AIM2: variants seen among roughly 807,000 people sequenced by gnomAD.
The protein encoded by AIM2 is absent in melanoma 2, also known as interferon-inducible protein AIM2.
AIM2 carries 30 observed loss-of-function variants against 27.7 expected under a neutral mutation model. The ratio of observed to expected loss-of-function variants is 1.08; its 90% CI spans 0.81 to 1.47. The LOEUF (loss-of-function observed/expected upper bound fraction) is 1.47, where lower values mean the gene tolerates loss of function less well. AIM2 is among the 40% of genes most tolerant of loss of function. The pLI is 0.00. For missense variants in AIM2, 358 were observed against 411.3 expected, an observed-to-expected ratio of 0.87 and a Z score of 1.12; for synonymous variants, 141 against 145.3, an observed-to-expected ratio of 0.97 and a Z score of 0.21.
At chr1:159,130,874 G>A (rs1647853398) in intron 1 of AIM2, among the ~76,000 whole-genome samples, 1 of 150,336 alleles carries the variant, frequency 6.7e-6, no homozygotes, top group South Asian at 2.1e-4. Context: ...TCATTGGCTG[G>A]TATTTTCTCT....
chr1:159,145,966 C>T (rs551322582), intron 1 of AIM2, among the ~76,000 whole-genome samples: 2 of 152,058 alleles, frequency 1.3e-5, no homozygotes, highest in South Asian at 2.1e-4. Flanking sequence ...AGTAGCTGGG[C>T]ATGGTGGTGC....
chr1:159,079,256 T>A (rs1023352577), upstream of AIM2, among the ~76,000 whole-genome samples: 1 of 152,120 alleles, frequency 6.6e-6, no homozygotes, highest in Non-Finnish European at 1.5e-5. Context: ...AGAGATTTTA[T>A]AAATATATTT....
chr1:159,075,302 T>A (rs886186319), intron 1 of AIM2, among the ~76,000 whole-genome samples: 12 of 152,076 alleles, frequency 7.9e-5, no homozygotes, highest in Non-Finnish European at 1.8e-4. Flanking sequence ...TTGGATTAAT[T>A]ATCTAAATAG....
downstream of AIM2, among the ~76,000 whole-genome samples, chr1:159,058,011 T>G (rs570305512): frequency 3.7e-4 from 57 of 152,324 alleles, no homozygotes; most frequent in African/African-American, 1.3e-3. Context: ...AGTGATTCTC[T>G]TCTCTTAAGG....
At chr1:159,112,616 G>T (rs1038610447) in intron 1 of AIM2, among the ~76,000 whole-genome samples, 14 of 152,078 alleles carry the variant, frequency 9.2e-5, no homozygotes, top group African/African-American at 3.4e-4. Flanking sequence ...TACTCAACAG[G>T]TCTATAAAAG....
At chr1:159,085,995 G>T (rs1056963378) in intron 1 of AIM2, among the ~76,000 whole-genome samples, 3 of 152,112 alleles carry the variant, frequency 2.0e-5, no homozygotes, top group Non-Finnish European at 4.4e-5. Flanking sequence ...AAAACATCAC[G>T]TTGTATACTG....
chr1:159,090,327 T>C (rs561069174), intron 1 of AIM2, among the ~76,000 whole-genome samples: 1 of 152,374 alleles, frequency 6.6e-6, no homozygotes, highest in South Asian at 2.1e-4. Flanking sequence ...TTAAATAAAG[T>C]GCAGGAATGC....
chr1:159,144,111 T>C (rs776911575), upstream of AIM2, among the ~76,000 whole-genome samples: 3 of 152,242 alleles, frequency 2.0e-5, no homozygotes, highest in Non-Finnish European at 4.4e-5. Flanking sequence ...ATGCTACTGA[T>C]AAAGATCAGC....
At chr1:159,108,852 C>T (rs1657508636) in intron 1 of AIM2, among the ~76,000 whole-genome samples, 1 of 152,136 alleles carries the variant, frequency 6.6e-6, no homozygotes, top group Admixed American at 6.5e-5. Context: ...TGAAAGACTT[C>T]TACAAGGAAA....
At chr1:159,133,950 A>G (rs1647961182) in intron 1 of AIM2, among the ~76,000 whole-genome samples, 1 of 152,162 alleles carries the variant, frequency 6.6e-6, no homozygotes, top group Non-Finnish European at 1.5e-5. Context: ...TCTCACCTTC[A>G]TACGTGTGTG....
chr1:159,095,724 T>C (rs1657165954), intron 1 of AIM2, among the ~76,000 whole-genome samples: 2 of 152,206 alleles, frequency 1.3e-5, no homozygotes, highest in Admixed American at 6.5e-5. Flanking sequence ...AAATCTGTAG[T>C]GGTTAGAAGT....
At chr1:159,143,454 C>T (rs1218511303), upstream of AIM2, among the ~76,000 whole-genome samples, 4 of 152,022 alleles carry the variant, frequency 2.6e-5, no homozygotes, top group African/African-American at 4.8e-5. Context: ...TGCTGATGAA[C>T]GAGTTAGTCA....
chr1:159,130,105 A>G (rs761692423), intron 1 of AIM2, among the ~76,000 whole-genome samples: 62 of 152,134 alleles, frequency 4.1e-4, no homozygotes, highest in Non-Finnish European at 7.6e-4. Flanking sequence ...CCCTTTTTTA[A>G]AAGCATCTGT....
chr1:159,091,851 C>T (rs996999801), intron 1 of AIM2, among the ~76,000 whole-genome samples: 1 of 152,162 alleles, frequency 6.6e-6, no homozygotes, highest in African/African-American at 2.4e-5. Context: ...ACTGCTGTCA[C>T]CTATAAAAAT....
At chr1:159,126,518 G>A (rs531784157) in intron 1 of AIM2, among the ~76,000 whole-genome samples, 246 of 152,028 alleles carry the variant, frequency 1.6e-3, no homozygotes, top group African/African-American at 5.5e-3. Context: ...GTATGGTGGC[G>A]GGTGCCTGTA....
intron 1 of AIM2, among the ~76,000 whole-genome samples, chr1:159,131,838 TTTTA>T (rs1410734093): frequency 3.3e-5 from 5 of 152,186 alleles, no homozygotes; most frequent in Non-Finnish European, 5.9e-5. Flanking sequence ...AAGTCTGAAA[TTTTA>T]TTTCTCTTCT....
intron 4 of AIM2, among the ~76,000 whole-genome samples, chr1:159,065,665 C>T (rs184306436): frequency 3.2e-4 from 48 of 152,266 alleles, no homozygotes; most frequent in South Asian, 6.2e-4. Context: ...TGTGAATGAA[C>T]TAATTCCTTT....
Position 159,076,666 on chromosome 1 carries a change from C to G in AIM2, c.-54G>C, listed in dbSNP as rs528429000. ...CCCTGGGGCGATCAGCAAACCGGGT[C>G]TGCCACCTTCTTTTCAGAGAGCTTA... On this transcript the variant is annotated 5_prime_UTR_variant, in exon 1 of 6. Coordinates refer to ENST00000368130, the MANE Select transcript of AIM2 (RefSeq NM_004833.3). 6.6e-6 allele frequency: 1 copy of G among 152,390 alleles called. No individual in the cohort carries two copies. The highest frequency in any genetic ancestry group is 1.5e-5 in the Non-Finnish European group (1 of 68,088). 9.4% of individuals were successfully genotyped at this position (152,390 alleles called of 1,614,324 possible).
intron 1 of AIM2, among the ~76,000 whole-genome samples, chr1:159,113,444 C>T (rs565714491): frequency 1.3e-5 from 2 of 152,250 alleles, no homozygotes; most frequent in East Asian, 3.9e-4. Context: ...CTTGGTCAAC[C>T]CGTTCAACAA....
Sources: gnomAD v4.1 joint callset for allele counts (sites outside exome capture counted in the v4.1 genomes callset) on GRCh38, gnomAD v4.1.1 for gene constraint, MANE v1.5 for transcripts, NCBI Gene and HGNC (gene_info 2026-07-23, HGNC 2026-07-21) for gene names.